The following GRID2 variants were observed in gnomAD, a reference collection of about 807,000 sequenced individuals.
GRID2 encodes glutamate ionotropic receptor delta type subunit 2, also known as glutamate receptor ionotropic, delta-2.
A neutral mutation model predicts 114.8 loss-of-function variants in GRID2; 33 were observed. The observed-to-expected ratio is 0.29, with a 90% confidence interval of 0.22 to 0.38. The LOEUF (loss-of-function observed/expected upper bound fraction) is 0.38. GRID2 is among the 10% of genes least tolerant of loss of function. The probability of loss-of-function intolerance (pLI) is 1.00; values close to 1 mark genes in which losing one functional copy is unlikely to be tolerated. For missense variants in GRID2, 1,184 were observed against 1,257.7 expected (o/e 0.94, Z 0.89); for synonymous variants, 505 against 449.9 (o/e 1.12, Z -1.55).
chr4:93,120,725 G>T lies in GRID2; in HGVS notation c.735+9772G>T, dbSNP rs564930451. On this transcript the variant is annotated intron_variant, in intron 4 of 15. Transcript: ENST00000282020. ...TCCCAGCACTTTGGGAGGCTGAGGC[G>T]GGTGGATCATGAGGTCAGTAGATCG... Among the ~76,000 whole-genome samples, 10 of 152,036 alleles carry T rather than the reference G, an allele frequency of 6.6e-5. No homozygotes were observed. The South Asian group carries it at 1.2e-3, about 19-fold the overall frequency.
At position 92,590,305 on chromosome 4, in the gene GRID2, A is replaced by C. The variant is rs777650242; in HGVS notation, c.244+19A>C. On this transcript the variant is annotated intron_variant, in intron 2 of 15. Coordinates refer to ENST00000282020, the MANE Select transcript of GRID2 (RefSeq NM_001510.4). ...CAAGAAGGTAAGGTCATCAGTATTTATTTTGGTTTTTTGGTTCAATTCAAG... is the reference window on the plus strand; with the variant it reads ...CAAGAAGGTAAGGTCATCAGTATTTCTTTTGGTTTTTTGGTTCAATTCAAG... The C allele has an allele frequency of 2.5e-6, 4 of 1,581,190 alleles. No individual in the cohort carries two copies. Among genetic ancestry groups the C allele is most frequent in the South Asian group, 1.2e-5 (1 of 86,038 alleles).
intron 4 of GRID2, among the ~76,000 whole-genome samples, chr4:93,151,952 A>G (rs1736777296): frequency 6.6e-6 from 1 of 152,118 alleles, no homozygotes; most frequent in African/African-American, 2.4e-5. Context: ...AATCAGCCTC[A>G]ATGTAAGCAG....
At chr4:93,187,568 G>A (rs1008750554) in intron 4 of GRID2, among the ~76,000 whole-genome samples, 8 of 152,064 alleles carry the variant, frequency 5.3e-5, no homozygotes, top group Admixed American at 2.0e-4. Context: ...GTGAACCACC[G>A]CACCTAGCAC....
rs542188940 is a variant in GRID2 at position 93,062,759 on chromosome 4, G to A, written c.245-22236G>A. 7.3e-4 allele frequency among the ~76,000 whole-genome samples: 111 copies of A among 152,098 alleles called. 1 individual carries two copies. Among genetic ancestry groups the A allele is most frequent in the African/African-American group, 2.5e-3 (105 of 41,548 alleles). The stretch of plus-strand genomic sequence containing the variant: ...CATTTTTAAACTCTTGAAAGGGAAC[G>A]AAGTTGACCTTGACTCTATAAAAGT... On this transcript the variant is annotated intron_variant, in intron 2 of 15. Coordinates refer to ENST00000282020, the MANE Select transcript of GRID2 (RefSeq NM_001510.4).
At chr4:93,770,311 G>C (rs1049837369) in intron 15 of GRID2, among the ~76,000 whole-genome samples, 1 of 152,178 alleles carries the variant, frequency 6.6e-6, no homozygotes, top group Non-Finnish European at 1.5e-5. Flanking sequence ...GTGATGGATA[G>C]CTTCAAAGAA....
At chr4:93,455,107 T>C (rs1036739474) in intron 10 of GRID2, among the ~76,000 whole-genome samples, 3 of 152,136 alleles carry the variant, frequency 2.0e-5, no homozygotes, top group Admixed American at 6.6e-5. Context: ...AATACAATCA[T>C]AGTAGTGACC....
At chr4:92,612,579 G>T (rs575512890) in intron 2 of GRID2, among the ~76,000 whole-genome samples, 3 of 151,410 alleles carry the variant, frequency 2.0e-5, no homozygotes, top group African/African-American at 7.2e-5. Context: ...TTCAATTTAT[G>T]AATTTAGAAT....
intron 13 of GRID2, among the ~76,000 whole-genome samples, chr4:93,577,840 G>A (rs972205299): frequency 3.9e-5 from 6 of 152,128 alleles, no homozygotes; most frequent in Non-Finnish European, 8.8e-5. Flanking sequence ...AAGCAAATTT[G>A]CATTTAATAT....
intron 1 of GRID2, among the ~76,000 whole-genome samples, chr4:93,795,167 G>A (rs1734772484): frequency 6.9e-6 from 1 of 144,530 alleles, no homozygotes; most frequent in Non-Finnish European, 1.5e-5. Context: ...TTGAACAGTA[G>A]CACAAAAATA....
intron 2 of GRID2, among the ~76,000 whole-genome samples, chr4:93,050,509 G>GGTGTGTGTGTGTGT (rs70942946): frequency 6.9e-6 from 1 of 144,034 alleles, no homozygotes; most frequent in African/African-American, 2.6e-5. Context: ...AATAATACCT[G>GGTGTGTGTGTGTGT]GTGTGTGTGT....
At chr4:93,757,922 A>C (rs1578748856) in intron 14 of GRID2, among the ~76,000 whole-genome samples, 1 of 152,178 alleles carries the variant, frequency 6.6e-6, no homozygotes, top group Non-Finnish European at 1.5e-5. Context: ...GCACCATTGT[A>C]CTCTAGCCTG....
intron 2 of GRID2, among the ~76,000 whole-genome samples, chr4:92,736,901 C>T (rs994311184): frequency 6.6e-6 from 1 of 152,012 alleles, no homozygotes; most frequent in African/African-American, 2.4e-5. Flanking sequence ...AATACATCAG[C>T]CTTAGCAAAA....
chr4:93,491,312 A>G (rs1263576804), intron 12 of GRID2, among the ~76,000 whole-genome samples: 7 of 151,874 alleles, frequency 4.6e-5, no homozygotes, highest in Admixed American at 2.0e-4. Context: ...CTTATACTTC[A>G]TGTGGTCCTT....
rs760763844 is a variant in GRID2 at position 92,819,807 on chromosome 4, T to A, written c.244+229521T>A. Among the ~76,000 whole-genome samples the A allele has an allele frequency of 9.9e-5, 15 of 152,252 alleles. No individual in the cohort carries two copies. The South Asian group carries it at 2.3e-3, about 23-fold the overall frequency. On this transcript the variant is annotated intron_variant, in intron 2 of 15. Coordinates refer to ENST00000282020, the MANE Select transcript of GRID2 (RefSeq NM_001510.4). The stretch of plus-strand genomic sequence containing the variant: ...TATCTTGTTTGCAGTTAAGTAATCT[T>A]TGGTATTAAGCAGTTTTAATTGCAA...
chr4:93,702,652 G>C (rs1372102584), intron 14 of GRID2, among the ~76,000 whole-genome samples: 4 of 152,080 alleles, frequency 2.6e-5, no homozygotes, highest in Non-Finnish European at 4.4e-5. Context: ...ATGGCAAATA[G>C]CTTCTGAAAG....
At chr4:93,034,169 A>G (rs1235711161) in intron 2 of GRID2, among the ~76,000 whole-genome samples, 2 of 152,290 alleles carry the variant, frequency 1.3e-5, no homozygotes, top group East Asian at 1.9e-4. Flanking sequence ...GAATAAAGCA[A>G]CATGACATAT....
intron 1 of GRID2, among the ~76,000 whole-genome samples, chr4:93,804,376 C>T (rs113922412): frequency 0.021 from 3,223 of 152,224 alleles, 49 homozygotes; most frequent in South Asian, 0.035. Context: ...GCCTACTACA[C>T]GCCTAGGTTA....
At chr4:93,329,634 G>A (rs1433667) in intron 8 of GRID2, among the ~76,000 whole-genome samples, 47,171 of 151,904 alleles carry the variant, frequency 0.31, 7,769 homozygotes, top group East Asian at 0.62. Context: ...TTGTGAATAA[G>A]TCCCCAGATT....
At chr4:92,918,466 C>G (rs1292695699) in intron 2 of GRID2, among the ~76,000 whole-genome samples, 2 of 152,146 alleles carry the variant, frequency 1.3e-5, no homozygotes, top group Admixed American at 1.3e-4. Context: ...TTTGCCCACT[C>G]AGTATGATAT....
Sources: allele counts gnomAD v4.1 joint callset (sites outside exome capture counted in the v4.1 genomes callset), GRCh38; gene constraint gnomAD v4.1.1; transcripts MANE v1.5; gene names NCBI Gene and HGNC (gene_info 2026-07-23, HGNC 2026-07-21).